The following OTOG variants were observed in gnomAD, a reference collection of about 807,000 sequenced individuals.
OTOG encodes otogelin.
In OTOG, 296 loss-of-function variants were observed where a neutral mutation model predicts 313.8. The ratio of observed to expected loss-of-function variants is 0.94; its 90% CI spans 0.86 to 1.04. The LOEUF (loss-of-function observed/expected upper bound fraction) is 1.04, where lower values mean the gene tolerates loss of function less well. Ranked by LOEUF, OTOG falls within the 50% of genes least tolerant of loss-of-function variation. OTOG has a pLI of 0.00. For missense variants in OTOG, 3,948 were observed against 3,840.1 expected, an observed-to-expected ratio of 1.03 and a Z score of -0.74; for synonymous variants, 1,533 against 1,554.9, an observed-to-expected ratio of 0.99 and a Z score of 0.33.
At chr11:17,643,406 C>G (rs1023916558) in intron 53 of OTOG, 55 bp from the exon 54 acceptor site, 1 of 1,254,266 alleles carries the variant, frequency 8.0e-7, no homozygotes, top group East Asian at 3.0e-5. Context: ...TCTTGGCTCC[C>G]GGCCTGGACA....
At chr11:17,561,038 C>G (rs1399969807) in intron 13 of OTOG, 53 bp from the exon 14 acceptor site, 1 of 1,541,470 alleles carries the variant, frequency 6.5e-7, no homozygotes, top group Non-Finnish European at 8.8e-7. Context: ...TTCCCAGCAT[C>G]TAGCTCAGGC....
intron 25 of OTOG, among the ~76,000 whole-genome samples, chr11:17,592,028 C>T (rs1169574567): frequency 6.6e-6 from 1 of 152,178 alleles, no homozygotes; most frequent in Admixed American, 6.5e-5. Flanking sequence ...GGTCACACAG[C>T]AGTCAGTGGT....
chr11:17,635,050 C>T (rs1334189029), intron 45 of OTOG, 30 bp from the exon 46 acceptor site: 8 of 1,540,204 alleles, frequency 5.2e-6, no homozygotes, highest in Non-Finnish European at 7.0e-6. Context: ...AGGTTCCTCT[C>T]CCAGCACCTA....
intron 24 of OTOG, among the ~76,000 whole-genome samples, chr11:17,587,142 G>A (rs1374387358): frequency 6.6e-6 from 1 of 152,208 alleles, no homozygotes; most frequent in African/African-American, 2.4e-5. Flanking sequence ...GTGTAAATGT[G>A]CATTGTGTTT....
intron 26 of OTOG, 103 bp downstream of exon 26, chr11:17,593,430 T>C (rs1367425906): frequency 7.6e-6 from 11 of 1,448,636 alleles, no homozygotes. Context: ...GCAGTTTCTC[T>C]TGGAGAGCCA....
chr11:17,638,130 C>T (rs1439178726), intron 47 of OTOG, among the ~76,000 whole-genome samples: 1 of 152,238 alleles, frequency 6.6e-6, no homozygotes, highest in African/African-American at 2.4e-5. Flanking sequence ...GGATGTTCCC[C>T]ATCAGCAGAC....
At position 17,593,855 on chromosome 11, in the gene OTOG, G is replaced by A. The variant is rs896402748; in HGVS notation, c.3288+99G>A. On this transcript the variant is annotated intron_variant, in intron 27 of 55. Transcript: ENST00000399397. Reference sequence around the variant, plus strand: ...TACCCTCCCTGAGGAGCCAAGAAGAGCATGCCTCTGTTCTCTCCTCCGCCC... The same window carrying A: ...TACCCTCCCTGAGGAGCCAAGAAGAACATGCCTCTGTTCTCTCCTCCGCCC... 6 of 1,459,300 alleles carry A rather than the reference G, an allele frequency of 4.1e-6. No homozygotes were observed. The Admixed American group carries it at 1.2e-4, about 30-fold the overall frequency. 90.4% of individuals were successfully genotyped at this position (1,459,300 alleles called of 1,614,324 possible). A position where few individuals can be genotyped will look rare whatever the true frequency, so the allele number is the denominator to read the frequency against.
Position 17,552,024 on chromosome 11 carries a change from G to A in OTOG, c.241G>A (p.Ala81Thr). The change falls in exon 4 of 56, where the codon GCC becomes ACC. Residue 81 changes from alanine to threonine, a missense_variant. Transcript: ENST00000399397. ...GQQAEAPDSV[A>T]MSSWERRLHR... ...GCAGGCTGAAGCCCCAGACTCCGTG[G>A]CCATGTCTTCCTGGGAAAGGCGGCT... is the stretch of plus-strand genomic sequence containing the variant. 1.3e-6 allele frequency: 2 copies of A among 1,550,512 alleles called. No individual in the cohort carries two copies. Among genetic ancestry groups the A allele is most frequent in the East Asian group, 2.4e-5 (1 of 40,918 alleles).
In OTOG at chr11:17,613,598, G is replaced by A; in HGVS notation, c.6439-14G>A. 1 of 1,549,788 alleles carries A rather than the reference G, an allele frequency of 6.5e-7. No individual in the cohort carries two copies. The highest frequency in any genetic ancestry group is 8.7e-7 in the Non-Finnish European group (1 of 1,146,322). On this transcript the variant is annotated splice_polypyrimidine_tract_variant and intron_variant, in intron 38 of 55. Coordinates refer to ENST00000399397, the MANE Select transcript of OTOG (RefSeq NM_001292063.2). ...CAGGGCTCCAAGTTGATGAGGGCTG[G>A]GTTCTCTCTGCAGGGGCACCTGAAC...
chr11:17,638,116 A>C (rs1232467721), intron 47 of OTOG, among the ~76,000 whole-genome samples: 1 of 152,220 alleles, frequency 6.6e-6, no homozygotes, highest in Non-Finnish European at 1.5e-5. Flanking sequence ...TGTTAGACAG[A>C]GCGGGATGTT....
chr11:17,639,291 C>T, intron 48 of OTOG, 132 bp from the exon 49 acceptor site: 2 of 929,034 alleles, frequency 2.2e-6, no homozygotes, highest in South Asian at 1.5e-5. Flanking sequence ...TCTTCCTCTC[C>T]TCTCCCAGGC....
chr11:17,600,059 G>A (rs549424378), intron 31 of OTOG, among the ~76,000 whole-genome samples: 16 of 152,340 alleles, frequency 1.1e-4, no homozygotes, highest in South Asian at 2.1e-4. Flanking sequence ...TGGGTTCCCC[G>A]AAGATTAGCT....
intron 43 of OTOG, 58 bp from the exon 44 acceptor site, chr11:17,634,011 T>C: frequency 3.3e-6 from 5 of 1,507,618 alleles, no homozygotes; most frequent in Non-Finnish European, 4.4e-6. Context: ...GAGTCTAGCC[T>C]GGGAAGGTCT....
At chr11:17,563,899 T>C (rs539803390) in intron 15 of OTOG, among the ~76,000 whole-genome samples, 1 of 145,336 alleles carries the variant, frequency 6.9e-6, no homozygotes, top group South Asian at 2.3e-4. Flanking sequence ...GGCTTCATCA[T>C]GTGGCCCAGA....
At chr11:17,581,192 C>A (rs12222908) in intron 23 of OTOG, among the ~76,000 whole-genome samples, 1 of 152,022 alleles carries the variant, frequency 6.6e-6, no homozygotes. Flanking sequence ...TAGAAGGGGG[C>A]GTCGGGGGAG....
rs1282334255 is a variant in OTOG at position 17,597,001 on chromosome 11, C to A, written c.3676C>A (p.Leu1226Ile). 22 of 1,549,538 alleles carry A rather than the reference C, an allele frequency of 1.4e-5. No homozygotes were observed. The highest frequency in any genetic ancestry group is 1.8e-5 in the Non-Finnish European group (21 of 1,146,540). ...GVAVDWRTPR[L>I]CPYDCDFFNK... ...GGCTGTTGACTGGCGAACCCCCCGC[C>A]TCTGCCGTGAGTGTCCCAGACAATC... The change falls in exon 30 of 56, where the codon CTC becomes ATC. Residue 1226 changes from leucine (L) to isoleucine (I), a missense_variant. Coordinates refer to ENST00000399397, the MANE Select transcript of OTOG (RefSeq NM_001292063.2).
chr11:17,638,811 A>C (rs1328047497), intron 48 of OTOG: 32 of 1,457,568 alleles, frequency 2.2e-5, no homozygotes, highest in Non-Finnish European at 2.3e-5. Flanking sequence ...AAAAGTCCTT[A>C]CTGCGGCCGG....
rs1263303154 is a variant in OTOG at position 17,642,281 on chromosome 11, A to AGG, written c.8415+38_8415+39dup. The AGG allele has an allele frequency of 1.6e-5, 24 of 1,526,324 alleles. No individual in the cohort carries two copies. In the Admixed American group the frequency reaches 4.6e-4, roughly 29 times the overall value. 94.5% of individuals were successfully genotyped at this position (1,526,324 alleles called of 1,614,324 possible). A position where few individuals can be genotyped will look rare whatever the true frequency, so the allele number is the denominator to read the frequency against. On this transcript the variant is annotated intron_variant, in intron 53 of 55. Transcript: ENST00000399397. Reference sequence around the variant, plus strand: ...TCCTTCTCCACTGAGGCTGTAGGCCAGGGGCATCAGCTGTCTCACTGGTGG... The same window carrying AGG: ...TCCTTCTCCACTGAGGCTGTAGGCCAGGGGGGCATCAGCTGTCTCACTGGTGG...
intron 44 of OTOG, among the ~76,000 whole-genome samples, chr11:17,634,508 C>T (rs974591028): frequency 1.3e-5 from 2 of 152,046 alleles, no homozygotes; most frequent in African/African-American, 4.8e-5. Flanking sequence ...CTTCCTCCCC[C>T]ACCTGTAGCC....
Sources: allele counts gnomAD v4.1 joint callset (sites outside exome capture counted in the v4.1 genomes callset), GRCh38; gene constraint gnomAD v4.1.1; transcripts MANE v1.5; gene names NCBI Gene and HGNC (gene_info 2026-07-23, HGNC 2026-07-21).